ETV6: variants seen among roughly 807,000 people sequenced by gnomAD.
ETV6 encodes ETS variant transcription factor 6.
In ETV6, 16 loss-of-function variants were observed where a neutral mutation model predicts 51.1. The ratio of observed to expected loss-of-function variants is 0.31; its 90% confidence interval spans 0.21 to 0.48. The LOEUF is 0.48. Ranked by LOEUF, ETV6 falls within the 20% of genes least tolerant of loss-of-function variation. ETV6 has a pLI of 0.99. For missense variants in ETV6, 458 were observed against 594.8 expected (o/e 0.77, Z 2.39); for synonymous variants, 240 against 224.1 (o/e 1.07, Z -0.64).
At chr12:11,866,439 G>A (rs189457265) in intron 4 of ETV6, among the ~76,000 whole-genome samples, 2 of 152,238 alleles carry the variant, frequency 1.3e-5, no homozygotes, top group East Asian at 1.9e-4. Flanking sequence ...ACTGGATGCT[G>A]AGCACATTGA....
chr12:11,752,177 C>G (rs1181768993), intron 1 of ETV6, among the ~76,000 whole-genome samples: 1 of 152,064 alleles, frequency 6.6e-6, no homozygotes, highest in Admixed American at 6.6e-5. Context: ...TTTACTTGTA[C>G]AAACCACAGG....
intron 7 of ETV6, among the ~76,000 whole-genome samples, chr12:11,888,531 T>G (rs1211040086): frequency 6.6e-6 from 1 of 151,876 alleles, no homozygotes; most frequent in Admixed American, 6.6e-5. Flanking sequence ...TAGCTAATAG[T>G]AGCTGGAATT....
intron 1 of ETV6, among the ~76,000 whole-genome samples, chr12:11,716,083 G>A (rs780629962): frequency 2.6e-5 from 4 of 152,068 alleles, no homozygotes; most frequent in Admixed American, 6.5e-5. Context: ...ATTTGGGGCC[G>A]GGCGCGGTGG....
Position 11,863,073 on chromosome 12 carries a change from C to T in ETV6, c.464-6351C>T, listed in dbSNP as rs74060883. 9.5e-3 allele frequency among the ~76,000 whole-genome samples: 1,454 copies of T among 152,268 alleles called. 23 individuals carry two copies. The highest frequency in any genetic ancestry group is 0.032 in the African/African-American group (1,321 of 41,538). Reference sequence around the variant, plus strand: ...AGCATCCGTGGGCTTAGGGAAAGCACGGTGGTGGAAATGTGATCCTGGTGT... The same window carrying T: ...AGCATCCGTGGGCTTAGGGAAAGCATGGTGGTGGAAATGTGATCCTGGTGT... On this transcript the variant is annotated intron_variant, in intron 4 of 7. Coordinates refer to ENST00000396373, the MANE Select transcript of ETV6 (RefSeq NM_001987.5).
intron 1 of ETV6, among the ~76,000 whole-genome samples, chr12:11,660,640 A>C (rs1158627287): frequency 6.7e-6 from 1 of 149,224 alleles, no homozygotes; most frequent in African/African-American, 2.5e-5. Flanking sequence ...CATGGTGGGA[A>C]TTTGCTAAGC....
At chr12:11,786,950 C>G (rs1208361842) in intron 2 of ETV6, among the ~76,000 whole-genome samples, 1 of 152,084 alleles carries the variant, frequency 6.6e-6, no homozygotes, top group East Asian at 1.9e-4. Context: ...ATACTGTTGC[C>G]AGTGATCAAA....
At chr12:11,681,000 G>A (rs1455892342) in intron 1 of ETV6, among the ~76,000 whole-genome samples, 1 of 152,166 alleles carries the variant, frequency 6.6e-6, no homozygotes, top group Non-Finnish European at 1.5e-5. Context: ...AGACTTTAAG[G>A]TGCTCAAAGC....
chr12:11,721,537 G>T (rs1357616722), intron 1 of ETV6, among the ~76,000 whole-genome samples: 1 of 152,166 alleles, frequency 6.6e-6, no homozygotes, highest in Non-Finnish European at 1.5e-5. Context: ...GAGCACTCAT[G>T]AACATAAACA....
chr12:11,788,335 C>T (rs1381928172), intron 2 of ETV6, among the ~76,000 whole-genome samples: 3 of 152,046 alleles, frequency 2.0e-5, no homozygotes, highest in Non-Finnish European at 2.9e-5. Flanking sequence ...CCTTTTTCCC[C>T]CTCCACAGTG....
At chr12:11,824,345 A>G (rs1205968055) in intron 2 of ETV6, among the ~76,000 whole-genome samples, 1 of 152,188 alleles carries the variant, frequency 6.6e-6, no homozygotes, top group Admixed American at 6.5e-5. Context: ...TTCCTATAGT[A>G]GTGAGGGCAA....
At chr12:11,728,426 G>A (rs559646713) in intron 1 of ETV6, among the ~76,000 whole-genome samples, 1 of 152,110 alleles carries the variant, frequency 6.6e-6, no homozygotes, top group Non-Finnish European at 1.5e-5. Flanking sequence ...TCAGATCAGT[G>A]GCAGCATTAG....
intron 6 of ETV6, among the ~76,000 whole-genome samples, chr12:11,885,162 C>A (rs1379720532): frequency 6.6e-6 from 1 of 152,166 alleles, no homozygotes; most frequent in Non-Finnish European, 1.5e-5. Context: ...TTGTAAAAAG[C>A]GGGTAACCGT....
At chr12:11,739,072 A>G (rs572614995) in intron 1 of ETV6, among the ~76,000 whole-genome samples, 10 of 152,214 alleles carry the variant, frequency 6.6e-5, no homozygotes, top group African/African-American at 2.4e-4. Context: ...GTAATTTTTA[A>G]AAAAAGAGAG....
At position 11,792,163 on chromosome 12, in the gene ETV6, T is replaced by C. The variant is rs147100228; in HGVS notation, c.163+39584T>C. Among the ~76,000 whole-genome samples the C allele has an allele frequency of 5.9e-3, 899 of 152,340 alleles. 15 individuals are homozygous for C. The highest frequency in any genetic ancestry group is 0.021 in the African/African-American group (856 of 41,584). ...GGCACTATGCTGGGCCCTCCTTCTGTACAGAACACTTAGGCAGTATGTTGC... is the reference window on the plus strand; with the variant it reads ...GGCACTATGCTGGGCCCTCCTTCTGCACAGAACACTTAGGCAGTATGTTGC... On this transcript the variant is annotated intron_variant, in intron 2 of 7. Coordinates refer to ENST00000396373, the MANE Select transcript of ETV6 (RefSeq NM_001987.5).
intron 4 of ETV6, among the ~76,000 whole-genome samples, chr12:11,867,235 C>A (rs1210817167): frequency 6.6e-6 from 1 of 152,174 alleles, no homozygotes; most frequent in Admixed American, 6.6e-5. Flanking sequence ...ACTGAAATTG[C>A]CCCTTTCCTT....
chr12:11,774,955 G>A (rs1439489944), intron 2 of ETV6, among the ~76,000 whole-genome samples: 1 of 152,172 alleles, frequency 6.6e-6, no homozygotes, highest in Non-Finnish European at 1.5e-5. Context: ...GCTATGTGTG[G>A]ATCATTATTC....
At chr12:11,761,882 A>G (rs1373655454) in intron 2 of ETV6, among the ~76,000 whole-genome samples, 3 of 152,244 alleles carry the variant, frequency 2.0e-5, no homozygotes, top group Non-Finnish European at 2.9e-5. Flanking sequence ...AAGGGGTATC[A>G]GCAGTGGAAC....
At chr12:11,850,429 G>T (rs1303433225) in intron 3 of ETV6, among the ~76,000 whole-genome samples, 2 of 151,960 alleles carry the variant, frequency 1.3e-5, no homozygotes, top group Admixed American at 1.3e-4. Context: ...GAAGGGGAAC[G>T]TAAAGCTGGC....
At chr12:11,725,047 C>T (rs951904510) in intron 1 of ETV6, among the ~76,000 whole-genome samples, 2 of 152,146 alleles carry the variant, frequency 1.3e-5, no homozygotes, top group African/African-American at 4.8e-5. Context: ...CACCCCACTT[C>T]CCTGCCCACT....
Sources: allele counts gnomAD v4.1 joint callset (sites outside exome capture counted in the v4.1 genomes callset), GRCh38; gene constraint gnomAD v4.1.1; transcripts MANE v1.5; gene names NCBI Gene and HGNC (gene_info 2026-07-23, HGNC 2026-07-21).